PRICKLE2: variants seen among roughly 807,000 people sequenced by gnomAD.
PRICKLE2 encodes the protein prickle-like protein 2.
In PRICKLE2, 21 loss-of-function variants were observed where a neutral mutation model predicts 81.4. The observed-to-expected ratio is 0.26, with a 90% confidence interval of 0.18 to 0.37. PRICKLE2 has a LOEUF of 0.37. Among genes scored for constraint, PRICKLE2 ranks in the 10% least tolerant of loss-of-function variants. PRICKLE2 has a pLI of 1.00. For synonymous variants in PRICKLE2, 456 were observed against 421.5 expected (o/e 1.08, Z -1.00); for missense variants, 940 against 1,109.0 (o/e 0.85, Z 2.16).
intron 2 of PRICKLE2, among the ~76,000 whole-genome samples, chr3:64,173,109 G>A (rs2077962349): frequency 6.6e-6 from 1 of 152,178 alleles, no homozygotes; most frequent in Non-Finnish European, 1.5e-5. Context: ...GGTTATATTT[G>A]GCAGAGGGTA....
chr3:64,138,301 C>T (rs573855538), intron 7 of PRICKLE2, among the ~76,000 whole-genome samples: 4 of 152,294 alleles, frequency 2.6e-5, no homozygotes, highest in African/African-American at 7.2e-5. Context: ...TCTGACATAC[C>T]AGAGCTATCA....
intron 7 of PRICKLE2, among the ~76,000 whole-genome samples, chr3:64,143,301 T>C (rs1181501532): frequency 6.6e-6 from 1 of 152,188 alleles, no homozygotes; most frequent in Non-Finnish European, 1.5e-5. Flanking sequence ...GGCTGCCATA[T>C]TAGACAGTGC....
At chr3:64,212,544 C>T (rs1447599026) in intron 1 of PRICKLE2, among the ~76,000 whole-genome samples, 1 of 152,164 alleles carries the variant, frequency 6.6e-6, no homozygotes, top group Non-Finnish European at 1.5e-5. Context: ...TTAGTCTCTA[C>T]CTTCTTTGTG....
intron 2 of PRICKLE2, among the ~76,000 whole-genome samples, chr3:64,247,592 G>A (rs1416530219): frequency 6.6e-6 from 1 of 152,072 alleles, no homozygotes; most frequent in Non-Finnish European, 1.5e-5. Flanking sequence ...TAGGAGCAAG[G>A]CAAAAATTTC....
rs2076549440 is a variant in PRICKLE2, at chr3:64,094,913, C to CA, written c.*4137dup. 1 of 152,624 alleles carries CA rather than the reference C, an allele frequency of 6.6e-6. No homozygotes were observed. The allele number at this position is 152,624 out of a possible 1,614,324, so 9.5% of individuals were successfully genotyped here. On this transcript the variant is annotated 3_prime_UTR_variant, in exon 8 of 8. Coordinates refer to ENST00000638394, the MANE Select transcript of PRICKLE2 (RefSeq NM_198859.4). ...AGCCCATTTTAAAGCCCTGAAGGTG[C>CA]AAAACAGTTGCTAATAGCAACTGTC... is the stretch of plus-strand genomic sequence containing the variant.
chr3:64,226,630 C>T (rs952159740), upstream of PRICKLE2, among the ~76,000 whole-genome samples: 1 of 152,200 alleles, frequency 6.6e-6, no homozygotes, highest in East Asian at 1.9e-4. Flanking sequence ...ATCACATACT[C>T]AATAGCTATT....
chr3:64,201,910 T>C (rs1198769305), intron 1 of PRICKLE2, among the ~76,000 whole-genome samples: 1 of 152,238 alleles, frequency 6.6e-6, no homozygotes, highest in Non-Finnish European at 1.5e-5. Context: ...GAGTTAATTT[T>C]TGTATATGGC....
chr3:64,186,078 ACT>A (rs997985667), intron 2 of PRICKLE2, among the ~76,000 whole-genome samples: 3 of 151,948 alleles, frequency 2.0e-5, no homozygotes, highest in African/African-American at 7.3e-5. Flanking sequence ...TGATTCTCAG[ACT>A]CTGATTCACT....
At chr3:64,110,953 C>T (rs893681086) in intron 7 of PRICKLE2, among the ~76,000 whole-genome samples, 1 of 111,090 alleles carries the variant, frequency 9.0e-6, no homozygotes, top group South Asian at 3.2e-4. Context: ...CAGACAGACT[C>T]CATCTCAAAA....
At chr3:64,140,052 G>T (rs1051108261) in intron 7 of PRICKLE2, among the ~76,000 whole-genome samples, 1 of 152,172 alleles carries the variant, frequency 6.6e-6, no homozygotes, top group Non-Finnish European at 1.5e-5. Context: ...TTGCATAGGT[G>T]GCACCTACAA....
chr3:64,242,106 A>C (rs2079274581), intron 2 of PRICKLE2, among the ~76,000 whole-genome samples: 1 of 152,148 alleles, frequency 6.6e-6, no homozygotes, highest in African/African-American at 2.4e-5. Flanking sequence ...TTTTGCAAGC[A>C]GCTTAAGGGA....
At chr3:64,176,871 T>G (rs2078032582) in intron 2 of PRICKLE2, among the ~76,000 whole-genome samples, 1 of 152,144 alleles carries the variant, frequency 6.6e-6, no homozygotes, top group Non-Finnish European at 1.5e-5. Context: ...TCTTTCCAGT[T>G]CCAAAACGCC....
chr3:64,162,957 G>A (rs1404574411), intron 3 of PRICKLE2, 59 bp downstream of exon 3: 2 of 1,043,976 alleles, frequency 1.9e-6, no homozygotes, highest in African/African-American at 3.1e-5. Flanking sequence ...TTATGAAAAA[G>A]GTAACAATTC....
intron 1 of PRICKLE2, among the ~76,000 whole-genome samples, chr3:64,214,553 T>C (rs575502043): frequency 1.3e-5 from 2 of 152,252 alleles, no homozygotes; most frequent in Admixed American, 1.3e-4. Context: ...GGAAAGGTTT[T>C]TGTGGTTTTG....
upstream of PRICKLE2, among the ~76,000 whole-genome samples, chr3:64,230,237 G>A (rs697293): frequency 0.12 from 17,540 of 152,122 alleles, 1,336 homozygotes; most frequent in East Asian, 0.4. Context: ...CCCCAGTAAT[G>A]TCTGCCATAG....
At chr3:64,229,092 G>T (rs927986168), upstream of PRICKLE2, among the ~76,000 whole-genome samples, 5 of 152,160 alleles carry the variant, frequency 3.3e-5, 1 homozygote, top group South Asian at 6.2e-4. Context: ...TCTGCTAGAG[G>T]TGTTCCAGGC....
At chr3:64,187,799 C>A (rs1451078144) in intron 2 of PRICKLE2, among the ~76,000 whole-genome samples, 1 of 152,218 alleles carries the variant, frequency 6.6e-6, no homozygotes, top group Non-Finnish European at 1.5e-5. Flanking sequence ...AGCAAACTGT[C>A]AGTAGCCTGA....
At chr3:64,262,603 A>G (rs1293115579) in intron 2 of PRICKLE2, among the ~76,000 whole-genome samples, 3 of 151,872 alleles carry the variant, frequency 2.0e-5, no homozygotes, top group Admixed American at 6.6e-5. Flanking sequence ...GCAAGCAGGA[A>G]GGAGGCAGGA....
chr3:64,168,393 A>T (rs1277795873), intron 2 of PRICKLE2, among the ~76,000 whole-genome samples: 2 of 152,120 alleles, frequency 1.3e-5, no homozygotes, highest in Admixed American at 6.5e-5. Context: ...GCAAAAAAAA[A>T]ATCTCATAAT....
Sources: gnomAD v4.1 joint callset for allele counts (sites outside exome capture counted in the v4.1 genomes callset) on GRCh38, gnomAD v4.1.1 for gene constraint, MANE v1.5 for transcripts, NCBI Gene and HGNC (gene_info 2026-07-23, HGNC 2026-07-21) for gene names.